AMOTL1: variants seen among roughly 807,000 people sequenced by gnomAD.
The protein encoded by AMOTL1 is angiomotin-like protein 1.
Under a neutral mutation model 102.9 loss-of-function variants are expected in AMOTL1, and 45 were observed. The ratio of observed to expected loss-of-function variants is 0.44; its 90% CI spans 0.34 to 0.56. The LOEUF is 0.56. Ranked by LOEUF, AMOTL1 falls within the 20% of genes least tolerant of loss-of-function variation. The probability of loss-of-function intolerance (pLI) is 0.01; values close to 1 mark genes in which losing one functional copy is unlikely to be tolerated. For synonymous variants in AMOTL1, 481 were observed against 484.7 expected, an observed-to-expected ratio of 0.99 and a Z score of 0.10; for missense variants, 1,114 against 1,225.6, an observed-to-expected ratio of 0.91 and a Z score of 1.36.
intron 8 of AMOTL1, among the ~76,000 whole-genome samples, chr11:94,854,738 A>G (rs561199160): frequency 6.6e-6 from 1 of 152,256 alleles, no homozygotes; most frequent in East Asian, 1.9e-4. Flanking sequence ...CCTAGGGTGT[A>G]GTGACAGTGA....
intron 1 of AMOTL1, among the ~76,000 whole-genome samples, chr11:94,714,428 A>C (rs937051800): frequency 6.6e-6 from 1 of 152,068 alleles, no homozygotes; most frequent in Non-Finnish European, 1.5e-5. Context: ...CTTCTTTTCT[A>C]TTTTGAAAAA....
intron 3 of AMOTL1, among the ~76,000 whole-genome samples, chr11:94,744,366 G>A (rs1016262742): frequency 7.9e-5 from 12 of 152,202 alleles, no homozygotes; most frequent in African/African-American, 2.9e-4. Context: ...CAAAGCACAG[G>A]AGCTTCTGTC....
Position 94,799,563 on chromosome 11 carries a change from G to A in AMOTL1, c.373G>A (p.Ala125Thr), listed in dbSNP as rs1951430817. 1.2e-6 allele frequency: 2 copies of A among 1,613,498 alleles called. No homozygotes were observed. Among genetic ancestry groups the A allele is most frequent in the East Asian group, 2.2e-5 (1 of 44,832 alleles). Residue 125 changes from alanine to threonine, a missense_variant, in exon 3 of 13, where the codon GCC (alanine) becomes ACC (threonine). Coordinates refer to ENST00000433060, the MANE Select transcript of AMOTL1 (RefSeq NM_130847.3). The surrounding 1 kb of genome is among the most constrained non-coding windows in gnomAD (Gnocchi z 4.5). ...GAACTTGCTGGCCATTCAGCACCAGGCCACAGGGAGTGCAGGACCAGCCCA... is the reference window on the plus strand; with the variant it reads ...GAACTTGCTGGCCATTCAGCACCAGACCACAGGGAGTGCAGGACCAGCCCA... ...NMNLLAIQHQATGSAGPAHPT... is the reference protein window; with the variant it reads ...NMNLLAIQHQTTGSAGPAHPT...
At chr11:94,801,942 C>T (rs553753675) in intron 3 of AMOTL1, among the ~76,000 whole-genome samples, 2 of 152,226 alleles carry the variant, frequency 1.3e-5, no homozygotes, top group African/African-American at 4.8e-5. Flanking sequence ...CCAGGGTTTT[C>T]CCAAGCGACC....
intron 3 of AMOTL1, among the ~76,000 whole-genome samples, chr11:94,801,207 T>C (rs2135575891): frequency 6.6e-6 from 1 of 152,166 alleles, no homozygotes; most frequent in South Asian, 2.1e-4. Flanking sequence ...ATCAGAGTTG[T>C]AGGGTAGAGA....
At chr11:94,759,881 G>A (rs1950770957) in intron 3 of AMOTL1, among the ~76,000 whole-genome samples, 1 of 152,200 alleles carries the variant, frequency 6.6e-6, no homozygotes, top group Non-Finnish European at 1.5e-5. Context: ...TGAATGCATA[G>A]AAATATAGGC....
At chr11:94,822,986 T>C (rs572183166) in intron 4 of AMOTL1, among the ~76,000 whole-genome samples, 1 of 152,258 alleles carries the variant, frequency 6.6e-6, no homozygotes, top group South Asian at 2.1e-4. Flanking sequence ...AGTTAAAGCG[T>C]AGGAGTGTAA....
chr11:94,787,009 AG>A (rs1951200260), intron 1 of AMOTL1, among the ~76,000 whole-genome samples: 1 of 152,084 alleles, frequency 6.6e-6, no homozygotes, highest in Non-Finnish European at 1.5e-5. Flanking sequence ...AAGGTGAATA[AG>A]ACACAGTCTC....
At chr11:94,855,556 C>G (rs1565383179) in intron 8 of AMOTL1, among the ~76,000 whole-genome samples, 1 of 152,138 alleles carries the variant, frequency 6.6e-6, no homozygotes, top group Non-Finnish European at 1.5e-5. Context: ...CTTTGGCTAA[C>G]CAAATGGGCA....
At chr11:94,832,492 A>C (rs895571088) in intron 6 of AMOTL1, among the ~76,000 whole-genome samples, 3 of 152,198 alleles carry the variant, frequency 2.0e-5, no homozygotes, top group Non-Finnish European at 2.9e-5. Flanking sequence ...TAATTATTGC[A>C]TTCCAGCTAT....
chr11:94,860,911 C>G (rs1952760416), intron 9 of AMOTL1, among the ~76,000 whole-genome samples: 1 of 152,122 alleles, frequency 6.6e-6, no homozygotes, highest in South Asian at 2.1e-4. Flanking sequence ...TATTCACGGA[C>G]TCTCAGGCTC....
At chr11:94,823,224 C>G (rs528877930) in intron 4 of AMOTL1, among the ~76,000 whole-genome samples, 1 of 152,150 alleles carries the variant, frequency 6.6e-6, no homozygotes, top group Non-Finnish European at 1.5e-5. Flanking sequence ...TGTCCCAGCA[C>G]GTTTGTGCAG....
At chr11:94,778,092 A>G (rs1951050965) in intron 1 of AMOTL1, among the ~76,000 whole-genome samples, 1 of 152,256 alleles carries the variant, frequency 6.6e-6, no homozygotes, top group Admixed American at 6.5e-5. Flanking sequence ...GAAAGGATTC[A>G]TAACTGTCTT....
chr11:94,820,544 G>A (rs1281529363), intron 3 of AMOTL1, among the ~76,000 whole-genome samples: 7 of 152,208 alleles, frequency 4.6e-5, no homozygotes, highest in East Asian at 1.9e-4. Flanking sequence ...CCAGGGATCC[G>A]TTTTGTGGAA....
chr11:94,800,844 C>T (rs1224142034), intron 3 of AMOTL1, among the ~76,000 whole-genome samples: 1 of 152,178 alleles, frequency 6.6e-6, no homozygotes, highest in Non-Finnish European at 1.5e-5. Context: ...GGGGGCTACA[C>T]TCAAGTATCC....
At position 94,859,506 on chromosome 11, in the gene AMOTL1, T is replaced by A. The variant is rs746620543; in HGVS notation, c.1945-19T>A. The A allele has an allele frequency of 6.2e-7, 1 of 1,600,658 alleles. No individual in the cohort carries two copies. Among genetic ancestry groups the A allele is most frequent in the East Asian group, 2.2e-5 (1 of 44,684 alleles). ...TTGATGTGGTTTTGAGCATCAAGAT[T>A]TTTTTTCTACTCCTTCAGAAACATG... On this transcript the variant is annotated intron_variant, in intron 8 of 12. Transcript: ENST00000433060.
In AMOTL1 at chr11:94,807,071, T is replaced by C. The variant is rs140198312; in HGVS notation, c.1121+6760T>C. 5.9e-3 allele frequency among the ~76,000 whole-genome samples: 893 copies of C among 152,328 alleles called. 10 individuals carry two copies. Among genetic ancestry groups the C allele is most frequent in the African/African-American group, 0.02 (852 of 41,586 alleles). On this transcript the variant is annotated intron_variant, in intron 3 of 12. Transcript: ENST00000433060. ...GCAAAAGTAATTATGGTTTTTGCCA[T>C]AATAACTGATTTTCTTCGTTCGATA...
At chr11:94,710,525 C>T (rs1950006922) in intron 1 of AMOTL1, among the ~76,000 whole-genome samples, 1 of 152,108 alleles carries the variant, frequency 6.6e-6, no homozygotes, top group Non-Finnish European at 1.5e-5. Context: ...TAGCACAGTG[C>T]CTAATACATC....
chr11:94,843,002 C>T (rs1224210545), intron 6 of AMOTL1, among the ~76,000 whole-genome samples: 1 of 152,238 alleles, frequency 6.6e-6, no homozygotes, highest in African/African-American at 2.4e-5. Context: ...ACCTTAACCA[C>T]CCACTTGCAG....
Sources: gnomAD v4.1 joint callset for allele counts (sites outside exome capture counted in the v4.1 genomes callset) on GRCh38, gnomAD v4.1.1 for gene constraint, Gnocchi (gnomAD v3.1) non-coding constraint, MANE v1.5 for transcripts, NCBI Gene and HGNC (gene_info 2026-07-23, HGNC 2026-07-21) for gene names.